SH2D4A: variants seen among roughly 807,000 people sequenced by gnomAD.
SH2D4A encodes the protein SH2 domain-containing protein 4A.
Under a neutral mutation model 64.7 loss-of-function variants are expected in SH2D4A, and 70 were observed. That is an observed-to-expected ratio of 1.08 (90% CI 0.89 to 1.32). The LOEUF (loss-of-function observed/expected upper bound fraction) is 1.32. Ranked by LOEUF, SH2D4A falls within the 40% of genes most tolerant of loss-of-function variation. The pLI is 0.00. For missense variants in SH2D4A, 706 were observed against 540.1 expected, an observed-to-expected ratio of 1.31 and a Z score of -3.04; for synonymous variants, 268 against 200.7, an observed-to-expected ratio of 1.34 and a Z score of -2.83.
At position 19,351,542 on chromosome 8, in the gene SH2D4A, G is replaced by T. The variant is rs561295477; in HGVS notation, c.514-5661G>T. On this transcript the variant is annotated intron_variant, in intron 4 of 9. Transcript: ENST00000265807. ...GGCGTGAACCCAGGAGGCGGAGCTT[G>T]CAGTGAGCTGAGATCGCACCACTGT... 3.7e-4 allele frequency among the ~76,000 whole-genome samples: 56 copies of T among 152,150 alleles called. No homozygotes were observed. The East Asian group carries it at 9.7e-3, about 26-fold the overall frequency.
At chr8:19,327,950 C>T (rs935242667) in intron 2 of SH2D4A, among the ~76,000 whole-genome samples, 1 of 152,200 alleles carries the variant, frequency 6.6e-6, no homozygotes, top group African/African-American at 2.4e-5. Context: ...ATATCATCCT[C>T]CGCTTCATCT....
intron 8 of SH2D4A, chr8:19,375,559 T>C (rs2053179847): frequency 1.3e-5 from 2 of 152,466 alleles, no homozygotes; most frequent in African/African-American, 4.8e-5. Context: ...GATTGAAGAC[T>C]GGGATTTCTG....
At chr8:19,356,544 G>A (rs1402416336) in intron 4 of SH2D4A, among the ~76,000 whole-genome samples, 2 of 152,212 alleles carry the variant, frequency 1.3e-5, no homozygotes, top group Non-Finnish European at 2.9e-5. Context: ...AGCACCCATT[G>A]TGATTTGCTG....
chr8:19,356,623 A>T (rs1414989993), intron 4 of SH2D4A, among the ~76,000 whole-genome samples: 1 of 152,192 alleles, frequency 6.6e-6, no homozygotes, highest in Non-Finnish European at 1.5e-5. Flanking sequence ...TAGGCAATGA[A>T]TCTGGGAACC....
At chr8:19,353,511 G>C (rs996493847) in intron 4 of SH2D4A, among the ~76,000 whole-genome samples, 1 of 151,826 alleles carries the variant, frequency 6.6e-6, no homozygotes, top group Non-Finnish European at 1.5e-5. Flanking sequence ...TGGGACTCCA[G>C]GTGCGCATCA....
chr8:19,314,361 G>A (rs1323483448), intron 1 of SH2D4A, among the ~76,000 whole-genome samples: 1 of 152,144 alleles, frequency 6.6e-6, no homozygotes, highest in African/African-American at 2.4e-5. Flanking sequence ...CCCGCAGCAC[G>A]TTCCCCGCGC....
Position 19,385,763 on chromosome 8 carries a change from T to A in SH2D4A, c.1049-7555T>A, listed in dbSNP as rs147275275. Among the ~76,000 whole-genome samples, 1,161 of 152,318 alleles carry A rather than the reference T, an allele frequency of 7.6e-3. 7 individuals are homozygous for A. Among genetic ancestry groups the A allele is most frequent in the Non-Finnish European group, 0.011 (742 of 68,024 alleles). On this transcript the variant is annotated intron_variant, in intron 8 of 9. Coordinates refer to ENST00000265807, the MANE Select transcript of SH2D4A (RefSeq NM_022071.4). ...AATAGGTTGCATTAAGAAGGGCTCA[T>A]GGAGGCTTCCCAAAATTTCTTTCTG...
intron 4 of SH2D4A, among the ~76,000 whole-genome samples, chr8:19,344,474 C>G (rs527305261): frequency 6.6e-6 from 1 of 152,288 alleles, no homozygotes; most frequent in Admixed American, 6.5e-5. Context: ...CTTACTTCTT[C>G]TTCTGCTGTC....
At chr8:19,380,722 A>G (rs1390723258) in intron 8 of SH2D4A, among the ~76,000 whole-genome samples, 1 of 152,138 alleles carries the variant, frequency 6.6e-6, no homozygotes, top group African/African-American at 2.4e-5. Context: ...ATTATAATCT[A>G]TTGGTCTATA....
chr8:19,318,635 A>G (rs2052130937), intron 1 of SH2D4A, among the ~76,000 whole-genome samples: 1 of 152,202 alleles, frequency 6.6e-6, no homozygotes, highest in African/African-American at 2.4e-5. Context: ...AGATTTTATT[A>G]AACTAGGTTA....
intron 9 of SH2D4A, among the ~76,000 whole-genome samples, chr8:19,394,331 G>T (rs2053550363): frequency 6.6e-6 from 1 of 152,158 alleles, no homozygotes; most frequent in Non-Finnish European, 1.5e-5. Context: ...GGGGACCCCT[G>T]ACCTATGAGA....
intron 4 of SH2D4A, among the ~76,000 whole-genome samples, chr8:19,355,057 A>G (rs550741033): frequency 3.5e-4 from 53 of 152,356 alleles, no homozygotes; most frequent in Admixed American, 1.6e-3. Flanking sequence ...GAAAAAAATG[A>G]AAGTATGATA....
At chr8:19,345,871 AAG>A (rs1269593740) in intron 4 of SH2D4A, among the ~76,000 whole-genome samples, 2 of 152,206 alleles carry the variant, frequency 1.3e-5, no homozygotes, top group Non-Finnish European at 2.9e-5. Context: ...CCCCAGTTCT[AAG>A]AGTGAAGAAT....
chr8:19,393,580 C>G lies in SH2D4A; in HGVS notation c.1272+39C>G. Reference sequence around the variant, plus strand: ...TAAACTTAATTTGCCTTCTGAGTTACTGTCCTGTAGCAGCTCTAACAATGA... The same window carrying G: ...TAAACTTAATTTGCCTTCTGAGTTAGTGTCCTGTAGCAGCTCTAACAATGA... On this transcript the variant is annotated intron_variant, in intron 9 of 9. Coordinates refer to ENST00000265807, the MANE Select transcript of SH2D4A (RefSeq NM_022071.4). The G allele has an allele frequency of 1.9e-6, 3 of 1,593,624 alleles. No homozygotes were observed. The African/African-American group carries it at 4.0e-5, about 21-fold the overall frequency.
intron 8 of SH2D4A, among the ~76,000 whole-genome samples, chr8:19,385,135 T>C (rs1430418352): frequency 1.3e-5 from 2 of 152,164 alleles, no homozygotes; most frequent in Admixed American, 6.5e-5. Flanking sequence ...CAGTATTTTA[T>C]ATTTTAATCT....
At chr8:19,343,998 C>G (rs74591000) in intron 4 of SH2D4A, among the ~76,000 whole-genome samples, 5,657 of 152,110 alleles carry the variant, frequency 0.037, 163 homozygotes, top group South Asian at 0.093. Flanking sequence ...CCTCATGTGT[C>G]GGGGAGGGAG....
chr8:19,388,622 C>G (rs775471010), intron 8 of SH2D4A, among the ~76,000 whole-genome samples: 17 of 152,142 alleles, frequency 1.1e-4, no homozygotes, highest in Non-Finnish European at 2.1e-4. Context: ...AACACATTTT[C>G]CAGACACAGG....
At chr8:19,314,007 G>T (rs1268517931) in intron 1 of SH2D4A, 184 bp downstream of exon 1, 1 of 1,241,526 alleles carries the variant, frequency 8.1e-7, no homozygotes, top group Non-Finnish European at 1.0e-6. Context: ...GTGCGGGGTT[G>T]GGCGGCGAGA....
intron 8 of SH2D4A, among the ~76,000 whole-genome samples, chr8:19,392,851 C>T (rs1319579797): frequency 2.0e-5 from 3 of 152,026 alleles, no homozygotes; most frequent in Non-Finnish European, 4.4e-5. Context: ...ACACCATTCT[C>T]CTGCCTCAGC....
Sources: gnomAD v4.1 joint callset for allele counts (sites outside exome capture counted in the v4.1 genomes callset) on GRCh38, gnomAD v4.1.1 for gene constraint, MANE v1.5 for transcripts, NCBI Gene and HGNC (gene_info 2026-07-23, HGNC 2026-07-21) for gene names.